The following CACNG7 variants were observed in gnomAD, a reference collection of about 807,000 sequenced individuals.
CACNG7 encodes calcium voltage-gated channel auxiliary subunit gamma 7.
CACNG7 carries 9 observed loss-of-function variants against 26.3 expected under a neutral mutation model. The observed-to-expected ratio is 0.34, with a 90% CI of 0.21 to 0.60. The LOEUF (loss-of-function observed/expected upper bound fraction) is 0.60, where lower values mean the gene tolerates loss of function less well. CACNG7 is among the 20% of genes least tolerant of loss of function. CACNG7 has a pLI of 0.81. For synonymous variants in CACNG7, 170 were observed against 157.0 expected (o/e 1.08, Z -0.62); for missense variants, 297 against 380.4 (o/e 0.78, Z 1.82).
At chr19:53,914,440 C>T in intron 2 of CACNG7, 60 bp from the exon 3 acceptor site, 4 of 1,483,770 alleles carry the variant, frequency 2.7e-6, no homozygotes, top group Admixed American at 3.5e-5. Context: ...GCCCCCACCC[C>T]CAGCCTCTCT....
In CACNG7 at chr19:53,940,176, G is replaced by A. The variant is rs1041706628; in HGVS notation, c.425-1294G>A. ...TTACTGTTTAGAGGAAATTTCATCT[G>A]GAGAAAATGATAATCGCCTCTTAGA... On this transcript the variant is annotated intron_variant, in intron 4 of 5. Coordinates refer to ENST00000391767, the MANE Select transcript of CACNG7 (RefSeq NM_031896.5). The surrounding 1 kb of genome is among the most constrained non-coding windows in gnomAD (Gnocchi z 4.1). 6.6e-6 allele frequency among the ~76,000 whole-genome samples: 1 copy of A among 152,136 alleles called. No individual in the cohort carries two copies. Among genetic ancestry groups the A allele is most frequent in the Non-Finnish European group, 1.5e-5 (1 of 68,026 alleles).
chr19:53,941,965 A>C (rs2069140053), intron 5 of CACNG7, 71 bp from the exon 6 acceptor site: 1 of 1,481,784 alleles, frequency 6.7e-7, no homozygotes, highest in Middle Eastern at 2.4e-4. Flanking sequence ...TCCTGGAGTG[A>C]GAGGAGATGA....
intron 4 of CACNG7, among the ~76,000 whole-genome samples, chr19:53,922,699 G>C (rs2068972133): frequency 1.3e-5 from 1 of 74,140 alleles, no homozygotes; most frequent in Non-Finnish European, 2.3e-5. Flanking sequence ...CCCCAGGTCT[G>C]GTCATTGGTG....
chr19:53,921,803 T>C lies in CACNG7; in HGVS notation c.424+6298T>C, dbSNP rs868035695. On this transcript the variant is annotated intron_variant, in intron 4 of 5. Transcript: ENST00000391767. ...GGTCATTGGTGGAGTTGTCCCCAGGTCTGGTCATTGGTGGAGTTGCCCCAG... is the reference window on the plus strand; with the variant it reads ...GGTCATTGGTGGAGTTGTCCCCAGGCCTGGTCATTGGTGGAGTTGCCCCAG... 1.8e-3 allele frequency among the ~76,000 whole-genome samples: 129 copies of C among 72,910 alleles called. 6 individuals carry two copies. Among genetic ancestry groups the C allele is most frequent in the Middle Eastern group, 0.01 (1 of 98 alleles). 47.8% of individuals were successfully genotyped at this position (72,910 alleles called of 152,430 possible).
At chr19:53,920,676 A>T (rs1256356662) in intron 4 of CACNG7, among the ~76,000 whole-genome samples, 1 of 109,588 alleles carries the variant, frequency 9.1e-6, no homozygotes, top group Non-Finnish European at 1.7e-5. Context: ...GAGTTGCCCC[A>T]GGTCTGGTCA....
chr19:53,922,964 TCTGGTCATTGGTGGAGTTGTCCCAGGA>T (rs2068976115), intron 4 of CACNG7, among the ~76,000 whole-genome samples: 2 of 80,858 alleles, frequency 2.5e-5, no homozygotes, highest in East Asian at 6.4e-4. Flanking sequence ...TTGCCCCAGG[TCTGGTCATTGGTGGAGTTGTCCCAGGA>T]CTGGTCATTG....
Position 53,942,098 on chromosome 19 carries a change from T to C in CACNG7, c.633T>C (p.Arg211=), listed in dbSNP as rs775015826. ...GCTACGCGGAGGAGGAGATGTACCG[T>C]CCACACCCGGCCTTCTACCGCCCGC... ...TKRYAEEEMY[R]PHPAFYRPRL... is the part of the protein sequence containing the mutation. The change falls in exon 6 of 6, where the codon CGT becomes CGC. Residue 211 remains arginine, a synonymous_variant. Coordinates refer to ENST00000391767, the MANE Select transcript of CACNG7 (RefSeq NM_031896.5). This position sits in a 1 kb window ranked among gnomAD's most constrained non-coding sequence, Gnocchi z 5.9. The C allele has an allele frequency of 1.2e-6, 2 of 1,613,854 alleles. No individual in the cohort carries two copies. The highest frequency in any genetic ancestry group is 1.7e-6 in the Non-Finnish European group (2 of 1,179,898).
At chr19:53,917,417 G>A (rs933819319) in intron 4 of CACNG7, among the ~76,000 whole-genome samples, 8 of 152,112 alleles carry the variant, frequency 5.3e-5, no homozygotes, top group Non-Finnish European at 1.0e-4. Flanking sequence ...TGTGCAAATC[G>A]TTGAAAAGGG....
In CACNG7 at chr19:53,942,653, C is replaced by T; in HGVS notation, c.*360C>T. The T allele has an allele frequency of 1.0e-6, 1 of 971,354 alleles. No homozygotes were observed. Among genetic ancestry groups the T allele is most frequent in the Non-Finnish European group, 1.3e-6 (1 of 776,570 alleles). 60.2% of individuals were successfully genotyped at this position (971,354 alleles called of 1,614,324 possible). ...CAGAGGCGGTGCAAGCGCCCAGCTC[C>T]CCAGAGCTCCCCAACCTCGGACCTC... On this transcript the variant is annotated 3_prime_UTR_variant, in exon 6 of 6. Coordinates refer to ENST00000391767, the MANE Select transcript of CACNG7 (RefSeq NM_031896.5). The surrounding 1 kb of genome is among the most constrained non-coding windows in gnomAD (Gnocchi z 5.9).
intron 4 of CACNG7, among the ~76,000 whole-genome samples, chr19:53,923,365 G>T: frequency 7.4e-6 from 1 of 135,380 alleles, no homozygotes; most frequent in African/African-American, 2.9e-5. Context: ...AGTTGCCCCA[G>T]GTCTGGTCAT....
Position 53,915,350 on chromosome 19 carries a change from C to G in CACNG7, c.284-15C>G. On this transcript the variant is annotated splice_polypyrimidine_tract_variant and intron_variant, in intron 3 of 5. Transcript: ENST00000391767. ...ATTCCCCCCTCACCCCTGTCTCTCC[C>G]CATCCCCTCCCCAGAGACAGTGCGC... 3.8e-6 allele frequency: 6 copies of G among 1,599,448 alleles called. No homozygotes were observed. Among genetic ancestry groups the G allele is most frequent in the Non-Finnish European group, 5.1e-6 (6 of 1,166,708 alleles).
chr19:53,916,680 A>C (rs2068900981), intron 4 of CACNG7, among the ~76,000 whole-genome samples: 1 of 139,448 alleles, frequency 7.2e-6, no homozygotes, highest in Non-Finnish European at 1.5e-5. Flanking sequence ...TTTTTTTTTT[A>C]ATAGAGACGG....
At chr19:53,916,006 A>C (rs2068895156) in intron 4 of CACNG7, among the ~76,000 whole-genome samples, 1 of 152,244 alleles carries the variant, frequency 6.6e-6, no homozygotes, top group Non-Finnish European at 1.5e-5. Context: ...AAAAGTCCAA[A>C]GAACTGTATA....
chr19:53,916,483 C>CTTT (rs2068898368), intron 4 of CACNG7, among the ~76,000 whole-genome samples: 1 of 93,592 alleles, frequency 1.1e-5, no homozygotes, highest in African/African-American at 5.5e-5. Context: ...TTTTTTCTTT[C>CTTT]TTTCTTTTTT....
rs2069147498 is a variant in CACNG7 at position 53,942,747 on chromosome 19, C to G, written c.*454C>G. The G allele has an allele frequency of 4.9e-6, 1 of 204,744 alleles. No individual in the cohort carries two copies. The highest frequency in any genetic ancestry group is 6.0e-5 in the Admixed American group (1 of 16,618). 12.7% of individuals were successfully genotyped at this position (204,744 alleles called of 1,614,324 possible). Reference sequence around the variant, plus strand: ...GGGAATACCGACCATCCTCTTCTCCCTTCTAACCTGGGCTTCCTTTTTCCC... The same window carrying G: ...GGGAATACCGACCATCCTCTTCTCCGTTCTAACCTGGGCTTCCTTTTTCCC... On this transcript the variant is annotated 3_prime_UTR_variant, in exon 6 of 6. Transcript: ENST00000391767. This position sits in a 1 kb window ranked among gnomAD's most constrained non-coding sequence, Gnocchi z 5.9.
At chr19:53,911,758 C>T (rs1235840613) in intron 1 of CACNG7, among the ~76,000 whole-genome samples, 1 of 152,062 alleles carries the variant, frequency 6.6e-6, no homozygotes, top group African/African-American at 2.4e-5. Flanking sequence ...AGCCGCCAGG[C>T]GGAGGATGGG....
At chr19:53,921,701 TC>T (rs2068955631) in intron 4 of CACNG7, among the ~76,000 whole-genome samples, 2 of 108,352 alleles carry the variant, frequency 1.8e-5, no homozygotes, top group African/African-American at 1.0e-4. Context: ...CCAGGTCTGG[TC>T]ATTGGTGGAG....
chr19:53,923,174 C>CT (rs1332313829), intron 4 of CACNG7, among the ~76,000 whole-genome samples: 11 of 87,554 alleles, frequency 1.3e-4, no homozygotes, highest in Non-Finnish European at 2.1e-4. Context: ...GTGGAGTTGT[C>CT]CCAGGTCTGG....
chr19:53,938,959 AAAAC>A (rs2069121633), intron 4 of CACNG7, among the ~76,000 whole-genome samples: 1 of 151,296 alleles, frequency 6.6e-6, no homozygotes, highest in African/African-American at 2.4e-5. Context: ...AAAACAAAAC[AAAAC>A]AAAACAAAAA....
Sources: gnomAD v4.1 joint callset for allele counts (sites outside exome capture counted in the v4.1 genomes callset) on GRCh38, gnomAD v4.1.1 for gene constraint, Gnocchi (gnomAD v3.1) non-coding constraint, MANE v1.5 for transcripts, NCBI Gene and HGNC (gene_info 2026-07-23, HGNC 2026-07-21) for gene names.